TRIM24: variants seen among roughly 807,000 people sequenced by gnomAD.
TRIM24 encodes the protein transcription intermediary factor 1-alpha.
A neutral mutation model predicts 123.9 loss-of-function variants in TRIM24; 29 were observed. The observed-to-expected ratio is 0.23, with a 90% confidence interval of 0.17 to 0.32. The LOEUF is 0.32. Among genes scored for constraint, TRIM24 ranks in the 10% least tolerant of loss-of-function variants. TRIM24 has a pLI of 1.00. For missense variants in TRIM24, 932 were observed against 1,295.3 expected (o/e 0.72, Z 4.31); for synonymous variants, 456 against 461.1 (o/e 0.99, Z 0.14).
At chr7:138,550,644 C>T (rs1379199611) in intron 7 of TRIM24, among the ~76,000 whole-genome samples, 1 of 152,152 alleles carries the variant, frequency 6.6e-6, no homozygotes, top group African/African-American at 2.4e-5. Flanking sequence ...GGAGAACCAC[C>T]TCACTCACAG....
At chr7:138,553,001 A>C (rs755058604) in intron 8 of TRIM24, among the ~76,000 whole-genome samples, 1 of 152,224 alleles carries the variant, frequency 6.6e-6, no homozygotes. Context: ...CCACATATAG[A>C]CATAAGTACA....
At chr7:138,572,957 AG>A (rs1266054361) in intron 11 of TRIM24, among the ~76,000 whole-genome samples, 3 of 152,224 alleles carry the variant, frequency 2.0e-5, no homozygotes, top group Admixed American at 2.0e-4. Context: ...GTATTCAGTG[AG>A]GTTAGTGCTG....
intron 1 of TRIM24, among the ~76,000 whole-genome samples, chr7:138,473,561 G>T (rs993685313): frequency 6.6e-6 from 1 of 152,146 alleles, no homozygotes; most frequent in Non-Finnish European, 1.5e-5. Context: ...ATACTTTGGA[G>T]TCTGTGTGAA....
intron 7 of TRIM24, among the ~76,000 whole-genome samples, chr7:138,542,148 T>G (rs890559390): frequency 4.6e-5 from 7 of 152,212 alleles, no homozygotes; most frequent in African/African-American, 1.7e-4. Flanking sequence ...AGTAACACTT[T>G]CGATTTCCTT....
intron 1 of TRIM24, among the ~76,000 whole-genome samples, chr7:138,497,972 C>T (rs770315667): frequency 1.2e-4 from 18 of 152,114 alleles, no homozygotes; most frequent in Non-Finnish European, 7.4e-5. Flanking sequence ...GGATTACAGG[C>T]ATCAGCCTCC....
At chr7:138,542,256 T>A (rs994843278) in intron 7 of TRIM24, among the ~76,000 whole-genome samples, 3 of 152,208 alleles carry the variant, frequency 2.0e-5, no homozygotes, top group African/African-American at 7.2e-5. Flanking sequence ...TCAGTAAGCT[T>A]ACTCATTTCT....
At chr7:138,573,710 T>C in intron 12 of TRIM24, 68 bp downstream of exon 12, 2 of 1,515,826 alleles carry the variant, frequency 1.3e-6, no homozygotes, top group South Asian at 2.6e-5. Flanking sequence ...AATAAAAAAT[T>C]ACCCCTCTTC....
chr7:138,573,678 T>C, intron 12 of TRIM24, 36 bp downstream of exon 12: 1 of 1,581,386 alleles, frequency 6.3e-7, no homozygotes, highest in Non-Finnish European at 8.6e-7. Context: ...GTGAAAGTTT[T>C]TCTAGTTTTC....
chr7:138,494,896 A>G (rs759188812), intron 1 of TRIM24, among the ~76,000 whole-genome samples: 4 of 152,300 alleles, frequency 2.6e-5, no homozygotes, highest in Admixed American at 6.5e-5. Flanking sequence ...TTGAGTCATC[A>G]TTGTAATAGC....
chr7:138,527,925 G>T (rs2116582056), intron 5 of TRIM24, among the ~76,000 whole-genome samples: 1 of 152,076 alleles, frequency 6.6e-6, no homozygotes, highest in South Asian at 2.1e-4. Flanking sequence ...ACAAAGACTG[G>T]ACTTGGCTTT....
At chr7:138,513,078 TC>T (rs1346524253) in intron 2 of TRIM24, among the ~76,000 whole-genome samples, 1 of 152,174 alleles carries the variant, frequency 6.6e-6, no homozygotes, top group Non-Finnish European at 1.5e-5. Context: ...AGGGGCACAG[TC>T]CAACCAAGCT....
chr7:138,483,396 C>T (rs1051288432), intron 1 of TRIM24, among the ~76,000 whole-genome samples: 1 of 152,038 alleles, frequency 6.6e-6, no homozygotes, highest in Non-Finnish European at 1.5e-5. Context: ...CTTTTTCTTG[C>T]TTTATCATGC....
chr7:138,580,739 G>T, intron 16 of TRIM24, 45 bp downstream of exon 16: 1 of 1,552,960 alleles, frequency 6.4e-7, no homozygotes, highest in African/African-American at 1.4e-5. Context: ...GTGCAATATT[G>T]TACTGTGGTA....
At chr7:138,520,137 T>C (rs1584715458) in intron 4 of TRIM24, among the ~76,000 whole-genome samples, 1 of 152,198 alleles carries the variant, frequency 6.6e-6, no homozygotes, top group African/African-American at 2.4e-5. Context: ...CCCCTTGAGG[T>C]ATTTGCCCAG....
In TRIM24 at chr7:138,585,413, T is replaced by C. The variant is rs1797993997; in HGVS notation, c.*462T>C. 4.2e-6 allele frequency: 1 copy of C among 236,124 alleles called. No homozygotes were observed. Among genetic ancestry groups the C allele is most frequent in the South Asian group, 1.0e-4 (1 of 9,694 alleles). 14.6% of individuals were successfully genotyped at this position (236,124 alleles called of 1,614,324 possible). A position where few individuals can be genotyped will look rare whatever the true frequency, so the allele number is the denominator to read the frequency against. On this transcript the variant is annotated 3_prime_UTR_variant, in exon 19 of 19. Coordinates refer to ENST00000343526, the MANE Select transcript of TRIM24 (RefSeq NM_015905.3). ...CCGTGAATTATATGGCCTGACAATA[T>C]GAATTAGGTGTACTGTACTGAAGAA...
intron 11 of TRIM24, among the ~76,000 whole-genome samples, chr7:138,573,272 C>A (rs1797692712): frequency 6.6e-6 from 1 of 152,098 alleles, no homozygotes; most frequent in African/African-American, 2.4e-5. Flanking sequence ...TTCCTTTTGA[C>A]TCCTGTTTTT....
rs60386130 is a variant in TRIM24, at chr7:138,568,379, C to CTTTTT, written c.1704+751_1704+755dup. 3.9e-3 allele frequency among the ~76,000 whole-genome samples: 267 copies of CTTTTT among 68,686 alleles called. 18 individuals carry two copies. Among genetic ancestry groups the CTTTTT allele is most frequent in the Non-Finnish European group, 4.9e-3 (195 of 39,846 alleles). 45.1% of individuals were successfully genotyped at this position (68,686 alleles called of 152,430 possible). ...CTCGTAAGCCACCGTACCTGGCCTC[C>CTTTTT]TTTTTTTTTTTTTTTTTTTTTTTTT... On this transcript the variant is annotated intron_variant, in intron 10 of 18. Coordinates refer to ENST00000343526, the MANE Select transcript of TRIM24 (RefSeq NM_015905.3).
Position 138,576,417 on chromosome 7 carries a change from A to G in TRIM24, c.2059A>G (p.Ser687Gly). ...TGTACACCCCCCAATACGTTCACCT[A>G]GTGCCTCCAGCGTTGGAAGCCGAGG... ...TSVHPPIRSP[S>G]ASSVGSRGSS... is the part of the protein sequence containing the mutation. The change falls in exon 13 of 19, where the codon AGT (serine) becomes GGT (glycine). Residue 687 changes from serine to glycine, a missense_variant. Around this residue, in one of 7 missense-constraint regions of TRIM24, gnomAD observed 527 missense variants for 691.3 expected, o/e 0.76. Coordinates refer to ENST00000343526, the MANE Select transcript of TRIM24 (RefSeq NM_015905.3). The G allele has an allele frequency of 6.2e-7, 1 of 1,613,902 alleles. No homozygotes were observed. The highest frequency in any genetic ancestry group is 8.5e-7 in the Non-Finnish European group (1 of 1,179,822).
chr7:138,509,687 G>A (rs1243363419), intron 2 of TRIM24, among the ~76,000 whole-genome samples: 3 of 114,994 alleles, frequency 2.6e-5, no homozygotes, highest in African/African-American at 1.0e-4. Flanking sequence ...GGATGACAGA[G>A]TGAGACTCTG....
Sources: allele counts gnomAD v4.1 joint callset (sites outside exome capture counted in the v4.1 genomes callset), GRCh38; gene constraint gnomAD v4.1.1; regional missense constraint gnomAD v4.1.1; transcripts MANE v1.5; gene names NCBI Gene and HGNC (gene_info 2026-07-23, HGNC 2026-07-21).